The following SNCB variants were observed in gnomAD, a reference collection of about 807,000 sequenced individuals.
The protein encoded by SNCB is synuclein beta, also known as beta-synuclein.
SNCB carries 8 observed loss-of-function variants against 20.0 expected under a neutral mutation model. The ratio of observed to expected loss-of-function variants is 0.40; its 90% CI spans 0.24 to 0.72. The LOEUF is 0.72. Ranked by LOEUF, SNCB falls within the 30% of genes least tolerant of loss-of-function variation. The pLI is 0.37. For synonymous variants in SNCB, 56 were observed against 65.4 expected, an observed-to-expected ratio of 0.86 and a Z score of 0.69; for missense variants, 125 against 168.0, an observed-to-expected ratio of 0.74 and a Z score of 1.41.
Position 176,629,605 on chromosome 5 carries a change from G to A in SNCB, c.50C>T (p.Ala17Val). ...GLSMAKEGVV[A>V]AAEKTKQGVT... ...CCCCTGCTTGGTTTTCTCCGCGGCT[G>A]CCACAACGCCCTCCTTGGCCATGGA... The change falls in exon 2 of 6, where the codon GCA (alanine) becomes GTA (valine). Residue 17 changes from alanine to valine, a missense_variant. Physicochemically the swap from Ala to Val is moderately conservative, Grantham distance 64. Coordinates refer to ENST00000393693, the MANE Select transcript of SNCB (RefSeq NM_003085.5). The surrounding 1 kb of genome is among the most constrained non-coding windows in gnomAD (Gnocchi z 4.1). 6.2e-7 allele frequency: 1 copy of A among 1,613,792 alleles called. No individual in the cohort carries two copies. The highest frequency in any genetic ancestry group is 8.5e-7 in the Non-Finnish European group (1 of 1,179,874).
Position 176,629,475 on chromosome 5 carries a change from C to T in SNCB, c.121+59G>A. 7 of 1,588,518 alleles carry T rather than the reference C, an allele frequency of 4.4e-6. No homozygotes were observed. Among genetic ancestry groups the T allele is most frequent in the East Asian group, 2.3e-5 (1 of 44,040 alleles). On this transcript the variant is annotated intron_variant, in intron 2 of 5. Transcript: ENST00000393693. The surrounding 1 kb of genome is among the most constrained non-coding windows in gnomAD (Gnocchi z 4.1). ...CCCCCTCCCCGGGACCCGGCCCCAG[C>T]TCCACACTGTCGGGGGACCCCCAGC...
chr5:176,626,279 C>T lies in SNCB; in HGVS notation c.282+119G>A, dbSNP rs1759935820. On this transcript the variant is annotated intron_variant, in intron 4 of 5. Transcript: ENST00000393693. This position sits in a 1 kb window ranked among gnomAD's most constrained non-coding sequence, Gnocchi z 4.2. ...ATGGGAGGCAAAGTGGCTTGTGTTC[C>T]AAGCTGGTGGCAGGATTAGGGGGGC... 2.4e-6 allele frequency: 2 copies of T among 827,170 alleles called. No individual in the cohort carries two copies. The highest frequency in any genetic ancestry group is 4.2e-6 in the Non-Finnish European group (2 of 478,184). 51.2% of individuals were successfully genotyped at this position (827,170 alleles called of 1,614,324 possible).
In SNCB at chr5:176,620,810, C is replaced by T. The variant is rs1463428287; in HGVS notation, c.*1G>A. 1.2e-6 allele frequency: 2 copies of T among 1,613,286 alleles called. No homozygotes were observed. Among genetic ancestry groups the T allele is most frequent in the African/African-American group, 2.7e-5 (2 of 74,874 alleles). On this transcript the variant is annotated 3_prime_UTR_variant, in exon 6 of 6. Coordinates refer to ENST00000393693, the MANE Select transcript of SNCB (RefSeq NM_003085.5). The surrounding 1 kb of genome is among the most constrained non-coding windows in gnomAD (Gnocchi z 4.5). ...CTGCTGGTGGGGGCTCTCCTGGGCC[C>T]CTACGCCTCTGGCTCATACTCCTGA...
In SNCB at chr5:176,621,582, G is replaced by A. The variant is rs1759604652; in HGVS notation, c.283-279C>T. Among the ~76,000 whole-genome samples the A allele has an allele frequency of 6.6e-6, 1 of 152,176 alleles. No individual in the cohort carries two copies. Among genetic ancestry groups the A allele is most frequent in the African/African-American group, 2.4e-5 (1 of 41,442 alleles). ...GGCAGCCTCCACACTTCCACCATTT[G>A]GATACTCAGTCACCAGCTTATGCCT... On this transcript the variant is annotated intron_variant, in intron 4 of 5. Transcript: ENST00000393693. This position sits in a 1 kb window ranked among gnomAD's most constrained non-coding sequence, Gnocchi z 4.1.
At chr5:176,628,197 A>G (rs960565566) in intron 2 of SNCB, among the ~76,000 whole-genome samples, 36 of 152,170 alleles carry the variant, frequency 2.4e-4, no homozygotes, top group African/African-American at 8.4e-4. Flanking sequence ...GGAAGTGCCA[A>G]TCTAAGGGGA....
chr5:176,627,298 G>A (rs1179291449), intron 2 of SNCB, among the ~76,000 whole-genome samples: 2 of 152,152 alleles, frequency 1.3e-5, no homozygotes, highest in Non-Finnish European at 2.9e-5. Flanking sequence ...GGTTCCCCTC[G>A]TGCCCCATGC....
At position 176,620,994 on chromosome 5, in the gene SNCB, G is replaced by C; in HGVS notation, c.373-151C>G. 1 of 817,896 alleles carries C rather than the reference G, an allele frequency of 1.2e-6. No homozygotes were observed. The highest frequency in any genetic ancestry group is 1.5e-5 in the South Asian group (1 of 67,676). 50.7% of individuals were successfully genotyped at this position (817,896 alleles called of 1,614,324 possible). A position where few individuals can be genotyped will look rare whatever the true frequency, so the allele number is the denominator to read the frequency against. ...GGGCAGGGGAGGAGCCTGGAAGTTG[G>C]GGACAACAGAGAATTCTTGGGCAGG... On this transcript the variant is annotated intron_variant, in intron 5 of 5. Transcript: ENST00000393693. This position sits in a 1 kb window ranked among gnomAD's most constrained non-coding sequence, Gnocchi z 4.5.
chr5:176,621,109 C>A lies in SNCB; in HGVS notation c.372+105G>T. The A allele has an allele frequency of 1.0e-6, 1 of 961,448 alleles. No individual in the cohort carries two copies. 59.6% of individuals were successfully genotyped at this position (961,448 alleles called of 1,614,324 possible). A position where few individuals can be genotyped will look rare whatever the true frequency, so the allele number is the denominator to read the frequency against. On this transcript the variant is annotated intron_variant, in intron 5 of 5. Transcript: ENST00000393693. The surrounding 1 kb of genome is among the most constrained non-coding windows in gnomAD (Gnocchi z 4.1). ...TGGGTTCTAGAAGAGGGATGTCAAG[C>A]TCCCTGGCCCAACCATCTCATGCCA...
Position 176,626,587 on chromosome 5 carries a change from A to G in SNCB, c.164-71T>C, listed in dbSNP as rs1455649246. 5 of 1,506,146 alleles carry G rather than the reference A, an allele frequency of 3.3e-6. No individual in the cohort carries two copies. The African/African-American group carries it at 6.9e-5, about 21-fold the overall frequency. 93.3% of individuals were successfully genotyped at this position (1,506,146 alleles called of 1,614,324 possible). A position where few individuals can be genotyped will look rare whatever the true frequency, so the allele number is the denominator to read the frequency against. Reference sequence around the variant, plus strand: ...AAACACCGATGCCCTGCCTTGTAGTATCCCAGGGCCTGCCCTCCCCACGGA... The same window carrying G: ...AAACACCGATGCCCTGCCTTGTAGTGTCCCAGGGCCTGCCCTCCCCACGGA... On this transcript the variant is annotated intron_variant, in intron 3 of 5. Transcript: ENST00000393693. The surrounding 1 kb of genome is among the most constrained non-coding windows in gnomAD (Gnocchi z 4.2).
Position 176,620,480 on chromosome 5 carries a change from G to T in SNCB, c.*331C>A. 2.6e-6 allele frequency: 1 copy of T among 377,398 alleles called. No individual in the cohort carries two copies. The highest frequency in any genetic ancestry group is 5.5e-5 in the South Asian group (1 of 18,272). 23.4% of individuals were successfully genotyped at this position (377,398 alleles called of 1,614,324 possible). A position where few individuals can be genotyped will look rare whatever the true frequency, so the allele number is the denominator to read the frequency against. On this transcript the variant is annotated 3_prime_UTR_variant, in exon 6 of 6. Transcript: ENST00000393693. The surrounding 1 kb of genome is among the most constrained non-coding windows in gnomAD (Gnocchi z 4.5). ...GGGCCGCTTGGAGAGCCACTGTCGG[G>T]GATCGGGGAGGAGCCGTCGCTCGGA...
chr5:176,622,948 G>T (rs964225889), intron 4 of SNCB, among the ~76,000 whole-genome samples: 2 of 151,698 alleles, frequency 1.3e-5, no homozygotes, highest in East Asian at 3.9e-4. Context: ...TGTTGGTCAG[G>T]CTGTTCTCAA....
intron 2 of SNCB, among the ~76,000 whole-genome samples, chr5:176,627,732 G>A (rs997560883): frequency 1.1e-4 from 16 of 152,254 alleles, no homozygotes; most frequent in Non-Finnish European, 1.8e-4. Flanking sequence ...CCCAGAGACA[G>A]GAGGGGCAGG....
At chr5:176,624,782 A>C (rs1759827906) in intron 4 of SNCB, among the ~76,000 whole-genome samples, 1 of 150,546 alleles carries the variant, frequency 6.6e-6, no homozygotes, top group Admixed American at 6.6e-5. Context: ...AGCCTGGGCA[A>C]CAAGAGCAAA....
chr5:176,625,285 A>G (rs1049509926), intron 4 of SNCB, among the ~76,000 whole-genome samples: 1 of 152,064 alleles, frequency 6.6e-6, no homozygotes, highest in Non-Finnish European at 1.5e-5. Flanking sequence ...TGCGGCATCA[A>G]CCTCACCCGG....
intron 4 of SNCB, among the ~76,000 whole-genome samples, chr5:176,623,540 C>T (rs74934208): frequency 0.019 from 2,844 of 152,206 alleles, 92 homozygotes; most frequent in African/African-American, 0.062. Context: ...GTGCCCCAGA[C>T]ACCTCTTTTG....
At position 176,630,468 on chromosome 5, in the gene SNCB, C is replaced by G. The variant is rs564104373; in HGVS notation, c.-198G>C. 6.5e-6 allele frequency: 1 copy of G among 153,046 alleles called. No individual in the cohort carries two copies. Among genetic ancestry groups the G allele is most frequent in the African/African-American group, 2.4e-5 (1 of 41,456 alleles). 9.5% of individuals were successfully genotyped at this position (153,046 alleles called of 1,614,324 possible). ...CTCGGGTGCGTAGCCAGCCACCGCT[C>G]GTTCCTCGCGCCCTGCGAGCTCGCG... On this transcript the variant is annotated 5_prime_UTR_variant, in exon 1 of 6. Coordinates refer to ENST00000393693, the MANE Select transcript of SNCB (RefSeq NM_003085.5).
At position 176,629,799 on chromosome 5, in the gene SNCB, C is replaced by T; in HGVS notation, c.-9-136G>A. On this transcript the variant is annotated intron_variant, in intron 1 of 5. Coordinates refer to ENST00000393693, the MANE Select transcript of SNCB (RefSeq NM_003085.5). This position sits in a 1 kb window ranked among gnomAD's most constrained non-coding sequence, Gnocchi z 4.1. ...ACCCTGAGCCCCCTCCCGCTTTCCC[C>T]CCATCCCACCCCACTCCCCAGTGCG... 8.2e-7 allele frequency: 1 copy of T among 1,212,306 alleles called. No homozygotes were observed. Among genetic ancestry groups the T allele is most frequent in the African/African-American group, 1.5e-5 (1 of 65,956 alleles). 75.1% of individuals were successfully genotyped at this position (1,212,306 alleles called of 1,614,324 possible).
At position 176,626,392 on chromosome 5, in the gene SNCB, G is replaced by A. The variant is rs772728733; in HGVS notation, c.282+6C>T. On this transcript the variant is annotated splice_donor_region_variant and intron_variant, in intron 4 of 5. Transcript: ENST00000393693. This position sits in a 1 kb window ranked among gnomAD's most constrained non-coding sequence, Gnocchi z 4.2. ...CCTGCATGTGCGGGTCAGAAGGATCGCTTACCTTCAGATCAGTAGGGAATT... is the reference window on the plus strand; with the variant it reads ...CCTGCATGTGCGGGTCAGAAGGATCACTTACCTTCAGATCAGTAGGGAATT... 3.2e-5 allele frequency: 50 copies of A among 1,560,752 alleles called. No individual in the cohort carries two copies. The highest frequency in any genetic ancestry group is 8.1e-5 in the African/African-American group (6 of 73,696).
Position 176,626,732 on chromosome 5 carries a change from C to T in SNCB, c.151G>A (p.Gly51Ser), listed in dbSNP as rs1252801556. The stretch of plus-strand genomic sequence containing the variant: ...GCTGGGCTAGTACCTGAAGCCACAC[C>T]TTGTACCACACCTTCTCGGGTCTTG... ...GSKTREGVVQGVASVAEKTKE... is the reference protein window; with the variant it reads ...GSKTREGVVQSVASVAEKTKE... Residue 51 changes from glycine (G) to serine (S), a missense_variant, in exon 3 of 6, where the codon GGT becomes AGT. Coordinates refer to ENST00000393693, the MANE Select transcript of SNCB (RefSeq NM_003085.5). The surrounding 1 kb of genome is among the most constrained non-coding windows in gnomAD (Gnocchi z 4.2). 3 of 1,614,014 alleles carry T rather than the reference C, an allele frequency of 1.9e-6. No homozygotes were observed. Among genetic ancestry groups the T allele is most frequent in the East Asian group, 2.2e-5 (1 of 44,898 alleles).
Sources: allele counts gnomAD v4.1 joint callset (sites outside exome capture counted in the v4.1 genomes callset), GRCh38; gene constraint gnomAD v4.1.1; non-coding constraint Gnocchi (gnomAD v3.1); transcripts MANE v1.5; gene names NCBI Gene and HGNC (gene_info 2026-07-23, HGNC 2026-07-21).